RELN: variants seen among roughly 807,000 people sequenced by gnomAD.
RELN encodes the protein reelin.
Under a neutral mutation model 427.6 loss-of-function variants are expected in RELN, and 108 were observed. The observed-to-expected ratio is 0.25, with a 90% CI of 0.22 to 0.30. RELN has a LOEUF of 0.30. Ranked by LOEUF, RELN falls within the 10% of genes least tolerant of loss-of-function variation. RELN has a pLI of 1.00. For synonymous variants in RELN, 1,524 were observed against 1,513.4 expected (o/e 1.01, Z -0.16); for missense variants, 3,715 against 4,302.8 (o/e 0.86, Z 3.82).
chr7:103,522,066 C>A lies in RELN; in HGVS notation c.7624G>T (p.Val2542Leu). The change falls in exon 48 of 65, where the codon GTG (valine) becomes TTG (leucine). Residue 2542 changes from valine to leucine, a missense_variant. Coordinates refer to ENST00000428762, the MANE Select transcript of RELN (RefSeq NM_005045.4). Reference sequence around the variant, plus strand: ...ATTCCCGACGCCACGGCTCCACACACTGTACTCAATTTCCCTCCGTTCACA... The same window carrying A: ...ATTCCCGACGCCACGGCTCCACACAATGTACTCAATTTCCCTCCGTTCACA... The part of the protein sequence containing the change: ...LTVNGGKLST[V>L]CGAVASGMAL... 6.2e-7 allele frequency: 1 copy of A among 1,614,160 alleles called. No homozygotes were observed. Among genetic ancestry groups the A allele is most frequent in the Non-Finnish European group, 8.5e-7 (1 of 1,180,024 alleles).
chr7:103,902,527 G>A (rs1461620884), intron 2 of RELN, among the ~76,000 whole-genome samples: 1 of 152,018 alleles, frequency 6.6e-6, no homozygotes, highest in Non-Finnish European at 1.5e-5. Context: ...AAAACATGTA[G>A]GAAGAAAAGC....
intron 61 of RELN, among the ~76,000 whole-genome samples, chr7:103,485,471 C>A (rs1323341265): frequency 6.6e-6 from 1 of 152,152 alleles, no homozygotes; most frequent in African/African-American, 2.4e-5. Flanking sequence ...GAACACTTTT[C>A]AGCATTCAAG....
At chr7:103,607,821 T>C (rs937811482) in intron 22 of RELN, among the ~76,000 whole-genome samples, 40 of 152,154 alleles carry the variant, frequency 2.6e-4, no homozygotes, top group African/African-American at 9.2e-4. Flanking sequence ...ACTCATTAGG[T>C]GTTGATTTGT....
rs200409290 is a variant in RELN, at chr7:103,551,203, G to A, written c.6166C>T (p.Pro2056Ser). 117 of 1,614,108 alleles carry A rather than the reference G, an allele frequency of 7.2e-5. No individual in the cohort carries two copies. The African/African-American group carries it at 1.5e-3, about 20-fold the overall frequency. Residue 2056 changes from proline (P) to serine (S), a missense_variant, in exon 41 of 65, where the codon CCC becomes TCC. Physicochemically the swap from Pro to Ser is moderately conservative, Grantham distance 74. Around this residue, in one of 4 missense-constraint regions of RELN, gnomAD observed 1,310 missense variants for 1,643.0 expected, o/e 0.80. Coordinates refer to ENST00000428762, the MANE Select transcript of RELN (RefSeq NM_005045.4). ...DFGATWHLLL[P>S]LCYHSSSHVS... ...TGGCTGCTGCTGTGGTAGCAGAGGG[G>A]CAGCAGAAGGTGCCAGGTCGCCCCG...
At position 103,640,664 on chromosome 7, in the gene RELN, A is replaced by G; in HGVS notation, c.2003-55T>C. ...CAAAAACATAGAACACTACCAGTAC[A>G]ATTTTGTGAAGTAATACTCATGAAA... On this transcript the variant is annotated intron_variant, in intron 16 of 64. Transcript: ENST00000428762. This position sits in a 1 kb window ranked among gnomAD's most constrained non-coding sequence, Gnocchi z 4.1. The G allele has an allele frequency of 6.4e-7, 1 of 1,574,420 alleles. No homozygotes were observed. The highest frequency in any genetic ancestry group is 8.7e-7 in the Non-Finnish European group (1 of 1,148,412).
chr7:103,590,578 A>C (rs1473992964), intron 27 of RELN, among the ~76,000 whole-genome samples: 1 of 150,090 alleles, frequency 6.7e-6, no homozygotes, highest in African/African-American at 2.5e-5. Flanking sequence ...ATAAATAAAT[A>C]AATAAATAAA....
intron 1 of RELN, among the ~76,000 whole-genome samples, chr7:103,942,023 A>C (rs1796125439): frequency 6.6e-6 from 1 of 151,930 alleles, no homozygotes; most frequent in Non-Finnish European, 1.5e-5. Context: ...ATTAAAATAC[A>C]ATTTGATTTA....
At chr7:103,840,642 C>T (rs1193298345) in intron 2 of RELN, among the ~76,000 whole-genome samples, 1 of 152,144 alleles carries the variant, frequency 6.6e-6, no homozygotes, top group Non-Finnish European at 1.5e-5. Context: ...TCAGAATCAG[C>T]TTCTCATGTT....
chr7:103,576,428 C>A (rs982689561), intron 28 of RELN, among the ~76,000 whole-genome samples: 1 of 152,150 alleles, frequency 6.6e-6, no homozygotes, highest in Admixed American at 6.5e-5. Context: ...ATGTGAGCCA[C>A]CATGCGCAGA....
At chr7:103,761,675 T>C (rs1413766709) in intron 4 of RELN, among the ~76,000 whole-genome samples, 1 of 151,898 alleles carries the variant, frequency 6.6e-6, no homozygotes, top group African/African-American at 2.4e-5. Flanking sequence ...AGGCTGGTCT[T>C]GAACTCCTGG....
At chr7:103,855,829 T>G (rs1584301324) in intron 2 of RELN, among the ~76,000 whole-genome samples, 2 of 152,158 alleles carry the variant, frequency 1.3e-5, no homozygotes, top group Non-Finnish European at 2.9e-5. Flanking sequence ...CAATATGACA[T>G]CAATCACATT....
chr7:103,594,757 A>G (rs931937903), intron 25 of RELN, among the ~76,000 whole-genome samples: 1 of 152,230 alleles, frequency 6.6e-6, no homozygotes, highest in African/African-American at 2.4e-5. Context: ...TCATTGAACT[A>G]TATCTTTTGA....
intron 2 of RELN, among the ~76,000 whole-genome samples, chr7:103,892,222 G>C (rs1005634905): frequency 1.4e-4 from 21 of 152,170 alleles, no homozygotes; most frequent in African/African-American, 5.1e-4. Context: ...GAAGCCTTAT[G>C]GAGACAGTAG....
At chr7:103,965,839 T>C (rs1796649453) in intron 1 of RELN, among the ~76,000 whole-genome samples, 1 of 152,202 alleles carries the variant, frequency 6.6e-6, no homozygotes, top group Admixed American at 6.5e-5. Flanking sequence ...AAATTTAAAA[T>C]TATGTAAACA....
rs551109780 is a variant in RELN at position 103,954,260 on chromosome 7, AAAAC to A, written c.226+34867_226+34870del. ...GGGCAACAGAGTGAGACTCTGTCTC[AAAAC>A]AAACAAACAAACAAACTTACCAGCC... On this transcript the variant is annotated intron_variant, in intron 1 of 64. Transcript: ENST00000428762. Among the ~76,000 whole-genome samples the A allele has an allele frequency of 7.9e-5, 12 of 152,278 alleles. No individual in the cohort carries two copies. The East Asian group carries it at 1.4e-3, about 17-fold the overall frequency.
chr7:103,531,797 C>A (rs2098179), intron 46 of RELN, among the ~76,000 whole-genome samples: 24,194 of 152,146 alleles, frequency 0.16, 2,646 homozygotes, highest in South Asian at 0.3. Context: ...AAAAACCCAA[C>A]AGATGCTGGC....
At chr7:103,985,876 G>C (rs929278937) in intron 1 of RELN, among the ~76,000 whole-genome samples, 2 of 152,080 alleles carry the variant, frequency 1.3e-5, no homozygotes, top group Non-Finnish European at 1.5e-5. Flanking sequence ...TGCTGATTAC[G>C]GGGCATGGCT....
In RELN at chr7:103,482,918, C is replaced by T. The variant is rs1828293450; in HGVS notation, c.10235G>A (p.Gly3412Glu). The T allele has an allele frequency of 6.2e-7, 1 of 1,614,216 alleles. No homozygotes were observed. The highest frequency in any genetic ancestry group is 8.5e-7 in the Non-Finnish European group (1 of 1,180,036). ...CAAAGCCCATTGATCATGACCTGTT[C>T]CATTGTGGCGTGGTTGCCACCAGCG... ...LLRWWQPRHN[G>E]TGHDQWALDH... is the part of the protein sequence containing the mutation. Residue 3412 changes from glycine to glutamate, a missense_variant, in exon 63 of 65, where the codon GGA becomes GAA. By Grantham distance (98) the Gly-to-Glu change is moderately conservative (BLOSUM62 -2). This residue lies in a region of RELN where 195 missense variants were observed against 281.3 expected (regional missense o/e 0.69). Coordinates refer to ENST00000428762, the MANE Select transcript of RELN (RefSeq NM_005045.4).
chr7:103,568,828 C>T (rs375937991), intron 31 of RELN, among the ~76,000 whole-genome samples: 1 of 152,230 alleles, frequency 6.6e-6, no homozygotes, highest in South Asian at 2.1e-4. Flanking sequence ...GTAGATGATA[C>T]TAGAAATGAA....
Sources: allele counts gnomAD v4.1 joint callset (sites outside exome capture counted in the v4.1 genomes callset), GRCh38; gene constraint gnomAD v4.1.1; regional missense constraint gnomAD v4.1.1; non-coding constraint Gnocchi (gnomAD v3.1); transcripts MANE v1.5; gene names NCBI Gene and HGNC (gene_info 2026-07-23, HGNC 2026-07-21).